Variants in DNMT1 observed in about 807,000 individuals in gnomAD.
DNMT1 encodes DNA (cytosine-5)-methyltransferase 1.
A neutral mutation model predicts 205.3 loss-of-function variants in DNMT1; 24 were observed. The observed-to-expected ratio is 0.12, with a 90% confidence interval of 0.08 to 0.16. The LOEUF (loss-of-function observed/expected upper bound fraction) is 0.16, where lower values mean the gene tolerates loss of function less well. Ranked by LOEUF, DNMT1 falls within the 10% of genes least tolerant of loss-of-function variation. The probability of loss-of-function intolerance (pLI) is 1.00; values close to 1 mark genes in which losing one functional copy is unlikely to be tolerated. For missense variants in DNMT1, 1,293 were observed against 2,177.7 expected, an observed-to-expected ratio of 0.59 and a Z score of 8.09; for synonymous variants, 817 against 839.8, an observed-to-expected ratio of 0.97 and a Z score of 0.47.
intron 26 of DNMT1, 111 bp downstream of exon 26, chr19:10,149,342 C>CA (rs906604867): frequency 0.018 from 17,513 of 983,666 alleles, 17 homozygotes; most frequent in African/African-American, 0.031. Context: ...AAAAAAAAAA[C>CA]AAAAAAAAAA....
chr19:10,186,763 G>A (rs565012273), intron 1 of DNMT1, among the ~76,000 whole-genome samples: 6 of 150,118 alleles, frequency 4.0e-5, no homozygotes, highest in African/African-American at 9.8e-5. Flanking sequence ...GCTTGAACCC[G>A]GGAGGTGGAG....
In DNMT1 at chr19:10,149,674, G is replaced by A. The variant is rs1471040196; in HGVS notation, c.2382-17C>T. 2 of 1,613,178 alleles carry A rather than the reference G, an allele frequency of 1.2e-6. No homozygotes were observed. Among genetic ancestry groups the A allele is most frequent in the Non-Finnish European group, 1.7e-6 (2 of 1,180,014 alleles). Reference sequence around the variant, plus strand: ...GCCGTGACCCTGGAATCAGAAGACGGGCATGGGGAGAAAGTTCTGACTTGG... The same window carrying A: ...GCCGTGACCCTGGAATCAGAAGACGAGCATGGGGAGAAAGTTCTGACTTGG... On this transcript the variant is annotated splice_polypyrimidine_tract_variant and intron_variant, in intron 25 of 40. Coordinates refer to ENST00000359526, the MANE Select transcript of DNMT1 (RefSeq NM_001130823.3).
Position 10,155,190 on chromosome 19 carries a change from AG to A in DNMT1, c.1493-135del. 5.0e-6 allele frequency: 6 copies of A among 1,210,512 alleles called. No homozygotes were observed. The South Asian group carries it at 8.4e-5, about 17-fold the overall frequency. The allele number at this position is 1,210,512 out of a possible 1,614,324, so 75.0% of individuals were successfully genotyped here. A position where few individuals can be genotyped will look rare whatever the true frequency, so the allele number is the denominator to read the frequency against. On this transcript the variant is annotated intron_variant, in intron 19 of 40. Coordinates refer to ENST00000359526, the MANE Select transcript of DNMT1 (RefSeq NM_001130823.3). The stretch of plus-strand genomic sequence containing the variant: ...TCCCGTACCCAAATGTCAGAAACAT[AG>A]GGCACAACACATCATAGCTGGCTTG...
In DNMT1 at chr19:10,137,667, A is replaced by T; in HGVS notation, c.4293+165T>A. ...GACTGCGGGAGCTCTGACACTTCCCATGACCATGCAAGAGAGACCAGGGGT... is the reference window on the plus strand; with the variant it reads ...GACTGCGGGAGCTCTGACACTTCCCTTGACCATGCAAGAGAGACCAGGGGT... On this transcript the variant is annotated intron_variant, in intron 36 of 40. Coordinates refer to ENST00000359526, the MANE Select transcript of DNMT1 (RefSeq NM_001130823.3). The surrounding 1 kb of genome is among the most constrained non-coding windows in gnomAD (Gnocchi z 6.4). 9.8e-7 allele frequency: 1 copy of T among 1,017,450 alleles called. No individual in the cohort carries two copies. Among genetic ancestry groups the T allele is most frequent in the Non-Finnish European group, 1.5e-6 (1 of 682,396 alleles). 63.0% of individuals were successfully genotyped at this position (1,017,450 alleles called of 1,614,324 possible).
chr19:10,194,083 A>G (rs1417434889), intron 1 of DNMT1, among the ~76,000 whole-genome samples: 2 of 152,194 alleles, frequency 1.3e-5, no homozygotes, highest in Non-Finnish European at 2.9e-5. Context: ...GACTTCCCTG[A>G]TGCCCACGGC....
chr19:10,162,611 C>T lies in DNMT1; in HGVS notation c.1008+56G>A, dbSNP rs553884760. 2.0e-5 allele frequency: 30 copies of T among 1,535,062 alleles called. No homozygotes were observed. The African/African-American group carries it at 2.2e-4, about 11-fold the overall frequency. On this transcript the variant is annotated intron_variant, in intron 13 of 40. Coordinates refer to ENST00000359526, the MANE Select transcript of DNMT1 (RefSeq NM_001130823.3). ...CAGCCTGGGCAACATGGCGAAACCCCGTCTTGGGGAAAAAAAAAAAAAAAA... is the reference window on the plus strand; with the variant it reads ...CAGCCTGGGCAACATGGCGAAACCCTGTCTTGGGGAAAAAAAAAAAAAAAA...
Position 10,140,524 on chromosome 19 carries a change from C to T in DNMT1, c.3524-196G>A. On this transcript the variant is annotated intron_variant, in intron 32 of 40. Transcript: ENST00000359526. This position sits in a 1 kb window ranked among gnomAD's most constrained non-coding sequence, Gnocchi z 8.4. ...AGCTGGGACTACAGGCACACACCAC[C>T]ACGCCCAGCTAATTTTTGTATTCTT... is the stretch of plus-strand genomic sequence containing the variant. The T allele has an allele frequency of 2.2e-6, 2 of 913,338 alleles. No homozygotes were observed. The highest frequency in any genetic ancestry group is 3.2e-5 in the South Asian group (2 of 61,636). 56.6% of individuals were successfully genotyped at this position (913,338 alleles called of 1,614,324 possible). A position where few individuals can be genotyped will look rare whatever the true frequency, so the allele number is the denominator to read the frequency against.
Position 10,133,898 on chromosome 19 carries a change from C to A in DNMT1, c.4865-197G>T, listed in dbSNP as rs1384470519. On this transcript the variant is annotated intron_variant, in intron 40 of 40. Coordinates refer to ENST00000359526, the MANE Select transcript of DNMT1 (RefSeq NM_001130823.3). The surrounding 1 kb of genome is among the most constrained non-coding windows in gnomAD (Gnocchi z 4.1). ...CAAACGGTCCCCAGAGGGTTCTAGA[C>A]CCAGAGGCTCAAGTGAGCAGCTGAG... Among the ~76,000 whole-genome samples, 2 of 152,210 alleles carry A rather than the reference C, an allele frequency of 1.3e-5. No individual in the cohort carries two copies. Among genetic ancestry groups the A allele is most frequent in the Non-Finnish European group, 2.9e-5 (2 of 68,038 alleles).
Position 10,151,326 on chromosome 19 carries a change from G to A in DNMT1, c.2265+72C>T. 1 of 1,597,660 alleles carries A rather than the reference G, an allele frequency of 6.3e-7. No individual in the cohort carries two copies. The highest frequency in any genetic ancestry group is 8.5e-7 in the Non-Finnish European group (1 of 1,176,938). On this transcript the variant is annotated intron_variant, in intron 24 of 40. Transcript: ENST00000359526. This position sits in a 1 kb window ranked among gnomAD's most constrained non-coding sequence, Gnocchi z 5.0. Reference sequence around the variant, plus strand: ...CTCAGGCTGCCTGAGAGGTCAGGTTGGCGAGATACTAGAGGGCAACCTGCT... The same window carrying A: ...CTCAGGCTGCCTGAGAGGTCAGGTTAGCGAGATACTAGAGGGCAACCTGCT...
chr19:10,162,461 G>A (rs962206477), intron 13 of DNMT1, among the ~76,000 whole-genome samples: 10 of 151,298 alleles, frequency 6.6e-5, no homozygotes, highest in African/African-American at 2.4e-4. Flanking sequence ...GTAGAGACAG[G>A]GTTTCACCAT....
chr19:10,159,895 C>T lies in DNMT1; in HGVS notation c.1117G>A (p.Gly373Arg). 1.9e-6 allele frequency: 3 copies of T among 1,614,156 alleles called. No homozygotes were observed. The highest frequency in any genetic ancestry group is 8.5e-7 in the Non-Finnish European group (1 of 1,180,026). ...KTHPPKCIQC[G>R]QYLDDPDLKY... Reference sequence around the variant, plus strand: ...AGGTCAGGGTCGTCCAGGTACTGCCCGCACTGAATGCACTTGGGAGGGTGG... The same window carrying T: ...AGGTCAGGGTCGTCCAGGTACTGCCTGCACTGAATGCACTTGGGAGGGTGG... Residue 373 changes from glycine to arginine, a missense_variant, in exon 16 of 41, where the codon GGG becomes AGG. Transcript: ENST00000359526. This position sits in a 1 kb window ranked among gnomAD's most constrained non-coding sequence, Gnocchi z 5.0.
chr19:10,175,399 C>G lies in DNMT1; in HGVS notation c.648+141G>C, dbSNP rs2038920192. 5 of 838,976 alleles carry G rather than the reference C, an allele frequency of 6.0e-6. No homozygotes were observed. The Admixed American group carries it at 1.0e-4, about 17-fold the overall frequency. 52.0% of individuals were successfully genotyped at this position (838,976 alleles called of 1,614,324 possible). A position where few individuals can be genotyped will look rare whatever the true frequency, so the allele number is the denominator to read the frequency against. ...ATAGCTGTATACACACATATACATT[C>G]TATTGGTCCTGTCTCTCTGGAGAGC... On this transcript the variant is annotated intron_variant, in intron 7 of 40. Coordinates refer to ENST00000359526, the MANE Select transcript of DNMT1 (RefSeq NM_001130823.3).
rs1408677369 is a variant in DNMT1 at position 10,162,739 on chromosome 19, T to C, written c.936A>G (p.Lys312=). 1.2e-6 allele frequency: 2 copies of C among 1,614,082 alleles called. No individual in the cohort carries two copies. The highest frequency in any genetic ancestry group is 2.2e-5 in the South Asian group (2 of 91,074). Residue 312 remains lysine (K), a synonymous_variant, in exon 13 of 41, where the codon AAA becomes AAG. Transcript: ENST00000359526. The part of the protein sequence containing the change: ...HRSQPKDLAA[K]RRPEEKEPEK... ...CAGGTTCTTTTTCTTCGGGCCTCCG[T>C]TTGGCAGCTCTGCAGGGTGAACAGA...
At chr19:10,163,539 CACTT>C (rs1296637968) in intron 11 of DNMT1, among the ~76,000 whole-genome samples, 179 bp from the exon 12 acceptor site, 3 of 152,192 alleles carry the variant, frequency 2.0e-5, no homozygotes, top group African/African-American at 7.2e-5. Flanking sequence ...CACTTTCCCT[CACTT>C]AATTCCCCAC....
chr19:10,147,245 G>A (rs2038220660), intron 27 of DNMT1, among the ~76,000 whole-genome samples: 1 of 147,570 alleles, frequency 6.8e-6, no homozygotes, highest in South Asian at 2.2e-4. Flanking sequence ...CTGGGTGACA[G>A]AGGGAGACCC....
intron 7 of DNMT1, among the ~76,000 whole-genome samples, chr19:10,175,084 TACACACAC>T (rs201133845): frequency 0.013 from 1,445 of 113,904 alleles, 17 homozygotes; most frequent in African/African-American, 0.041. Flanking sequence ...CATACATACA[TACACACAC>T]ACACACACAC....
chr19:10,148,862 C>G (rs748639689), intron 27 of DNMT1, 22 bp downstream of exon 27: 1 of 1,614,036 alleles, frequency 6.2e-7, no homozygotes, highest in Admixed American at 1.7e-5. Context: ...CTGCTGACCC[C>G]GAGTCCAGCC....
chr19:10,153,258 T>C (rs1189637295), intron 22 of DNMT1, among the ~76,000 whole-genome samples: 1 of 152,174 alleles, frequency 6.6e-6, no homozygotes, highest in Non-Finnish European at 1.5e-5. Context: ...AGGATATTCA[T>C]TTAACAAAAT....
At chr19:10,188,033 T>A (rs531256220) in intron 1 of DNMT1, among the ~76,000 whole-genome samples, 1 of 152,244 alleles carries the variant, frequency 6.6e-6, no homozygotes, top group South Asian at 2.1e-4. Context: ...TCCTAGCTAC[T>A]CAGGAGACTG....
Sources: gnomAD v4.1 joint callset for allele counts (sites outside exome capture counted in the v4.1 genomes callset) on GRCh38, gnomAD v4.1.1 for gene constraint, Gnocchi (gnomAD v3.1) non-coding constraint, MANE v1.5 for transcripts, NCBI Gene and HGNC (gene_info 2026-07-23, HGNC 2026-07-21) for gene names.